DAP: variants seen among roughly 807,000 people sequenced by gnomAD.
The protein encoded by DAP is death associated protein, also known as death-associated protein 1.
A neutral mutation model predicts 13.8 loss-of-function variants in DAP; 8 were observed. The ratio of observed to expected loss-of-function variants is 0.58; its 90% CI spans 0.34 to 1.05. The LOEUF (loss-of-function observed/expected upper bound fraction) is 1.05. DAP is among the 50% of genes least tolerant of loss of function. The pLI, the probability that DAP is intolerant of heterozygous loss-of-function variation, is 0.03. For missense variants in DAP, 106 were observed against 133.2 expected (o/e 0.80, Z 1.01); for synonymous variants, 47 against 47.5 (o/e 0.99, Z 0.04).
chr5:10,682,298 C>T (rs1371291639), intron 3 of DAP, among the ~76,000 whole-genome samples: 1 of 151,328 alleles, frequency 6.6e-6, no homozygotes, highest in African/African-American at 2.4e-5. Flanking sequence ...GAGGAAGCCC[C>T]AGGCCAGCGT....
At chr5:10,698,328 A>G (rs1231327753) in intron 2 of DAP, among the ~76,000 whole-genome samples, 1 of 151,438 alleles carries the variant, frequency 6.6e-6, no homozygotes, top group East Asian at 1.9e-4. Context: ...TCAAGTAGAC[A>G]GAAAACTAAA....
intron 1 of DAP, among the ~76,000 whole-genome samples, chr5:10,753,017 T>A (rs1279646933): frequency 3.3e-5 from 5 of 152,128 alleles, no homozygotes; most frequent in African/African-American, 1.2e-4. Flanking sequence ...GCCCTACGGG[T>A]TGCTGGGGAA....
rs972176808 is a variant in DAP, at chr5:10,757,295, C to T, written c.55+3719G>A. ...TTGGGTCAGGTTTTTTTTTTTTAGA[C>T]GAAATATTCGCTCTTCTTGCCCAGG... is the stretch of plus-strand genomic sequence containing the variant. On this transcript the variant is annotated intron_variant, in intron 1 of 3. Transcript: ENST00000230895. Among the ~76,000 whole-genome samples the T allele has an allele frequency of 2.4e-4, 36 of 151,236 alleles. 1 individual carries two copies. Among genetic ancestry groups the T allele is most frequent in the African/African-American group, 7.0e-4 (29 of 41,256 alleles).
At chr5:10,759,543 T>C (rs1740284628) in intron 1 of DAP, among the ~76,000 whole-genome samples, 1 of 152,190 alleles carries the variant, frequency 6.6e-6, no homozygotes. Context: ...TAAAACCCCA[T>C]GCCTCTTAAG....
At chr5:10,708,714 G>A (rs1157828147) in intron 2 of DAP, among the ~76,000 whole-genome samples, 4 of 152,178 alleles carry the variant, frequency 2.6e-5, no homozygotes, top group Admixed American at 1.3e-4. Context: ...GTCCTTGTGC[G>A]GTTGTGCAGG....
At chr5:10,685,793 T>C (rs1268860875) in intron 2 of DAP, among the ~76,000 whole-genome samples, 2 of 152,114 alleles carry the variant, frequency 1.3e-5, no homozygotes, top group African/African-American at 2.4e-5. Context: ...TAAAATGTCA[T>C]CCATAGAGAG....
rs1738827336 is a variant in DAP at position 10,710,735 on chromosome 5, G to GC, written c.153-27165dup. ...GCAAGCAGGCTGGGAGTGTCCTTCAGCCCTGCACCTGTGCCTGAGTCCCAA... is the reference window on the plus strand; with the variant it reads ...GCAAGCAGGCTGGGAGTGTCCTTCAGCCCCTGCACCTGTGCCTGAGTCCCAA... On this transcript the variant is annotated intron_variant, in intron 2 of 3. Transcript: ENST00000230895. 2.6e-5 allele frequency among the ~76,000 whole-genome samples: 4 copies of GC among 152,324 alleles called. No individual in the cohort carries two copies. In the South Asian group the frequency reaches 8.3e-4, roughly 32 times the overall value.
chr5:10,747,698 T>G (rs1739941031), intron 2 of DAP, among the ~76,000 whole-genome samples: 2 of 152,242 alleles, frequency 1.3e-5, no homozygotes, highest in Non-Finnish European at 2.9e-5. Flanking sequence ...TACAAAAGAC[T>G]CACAGGTGCA....
At position 10,697,937 on chromosome 5, in the gene DAP, G is replaced by C. The variant is rs141927610; in HGVS notation, c.153-14366C>G. On this transcript the variant is annotated intron_variant, in intron 2 of 3. Transcript: ENST00000230895. ...TTCCAGCCAGGTGTCTGGCTGGAAA[G>C]TCACAGAGCTACGCATCTAGCAAGA... Among the ~76,000 whole-genome samples, 70 of 152,288 alleles carry C rather than the reference G, an allele frequency of 4.6e-4. No individual in the cohort carries two copies. The East Asian group carries it at 0.011, about 24-fold the overall frequency.
chr5:10,722,180 G>A (rs1739159708), intron 2 of DAP, among the ~76,000 whole-genome samples: 2 of 152,262 alleles, frequency 1.3e-5, no homozygotes, highest in South Asian at 2.1e-4. Flanking sequence ...ATCTGTGAGG[G>A]TGTTGTCAAA....
At chr5:10,745,799 A>G (rs1228054735) in intron 2 of DAP, among the ~76,000 whole-genome samples, 1 of 152,204 alleles carries the variant, frequency 6.6e-6, no homozygotes, top group Non-Finnish European at 1.5e-5. Flanking sequence ...CTTTTTTTCC[A>G]GGCAAGGCGA....
intron 2 of DAP, among the ~76,000 whole-genome samples, chr5:10,689,194 C>A (rs138709209): frequency 1.3e-5 from 2 of 152,170 alleles, no homozygotes; most frequent in African/African-American, 4.8e-5. Flanking sequence ...AAAACACACA[C>A]GGAAGCTGAG....
At chr5:10,741,247 C>T (rs927948767) in intron 2 of DAP, among the ~76,000 whole-genome samples, 5 of 152,026 alleles carry the variant, frequency 3.3e-5, no homozygotes, top group African/African-American at 9.7e-5. Flanking sequence ...TAGCTACTTG[C>T]GAGGCAGAGG....
intron 2 of DAP, among the ~76,000 whole-genome samples, chr5:10,700,916 C>T (rs996863420): frequency 3.3e-5 from 5 of 152,244 alleles, no homozygotes; most frequent in African/African-American, 1.2e-4. Context: ...CAGCACAAGG[C>T]AGAATGTGTG....
intron 2 of DAP, among the ~76,000 whole-genome samples, chr5:10,720,509 G>A (rs1739108693): frequency 6.6e-6 from 1 of 152,216 alleles, no homozygotes; most frequent in African/African-American, 2.4e-5. Context: ...ATAATCAAGT[G>A]GATGCGATGA....
chr5:10,696,168 A>G (rs3797117), intron 2 of DAP, among the ~76,000 whole-genome samples: 9,523 of 152,220 alleles, frequency 0.063, 491 homozygotes, highest in East Asian at 0.2. Flanking sequence ...AGAAGGGGAA[A>G]TAACAACAGG....
intron 2 of DAP, among the ~76,000 whole-genome samples, chr5:10,705,087 G>A (rs114846396): frequency 0.021 from 3,188 of 152,248 alleles, 102 homozygotes; most frequent in African/African-American, 0.071. Flanking sequence ...TCCTCTGAGA[G>A]ACTGAAATGC....
At chr5:10,746,545 G>A (rs1218141968) in intron 2 of DAP, among the ~76,000 whole-genome samples, 1 of 152,110 alleles carries the variant, frequency 6.6e-6, no homozygotes, top group African/African-American at 2.4e-5. Context: ...GGCCAGGCTG[G>A]TCTCGCACCC....
At chr5:10,704,025 C>T (rs969225134) in intron 2 of DAP, among the ~76,000 whole-genome samples, 8 of 152,240 alleles carry the variant, frequency 5.3e-5, no homozygotes, top group Non-Finnish European at 1.0e-4. Flanking sequence ...GGGAACAGGG[C>T]GTCCTGCCTG....
Sources: gnomAD v4.1 joint callset for allele counts (sites outside exome capture counted in the v4.1 genomes callset) on GRCh38, gnomAD v4.1.1 for gene constraint, MANE v1.5 for transcripts, NCBI Gene and HGNC (gene_info 2026-07-23, HGNC 2026-07-21) for gene names.